The following KLHL1 variants were observed in gnomAD, a reference collection of about 807,000 sequenced individuals.
KLHL1 encodes the protein kelch like family member 1.
In KLHL1, 47 loss-of-function variants were observed where a neutral mutation model predicts 77.7. The observed-to-expected ratio is 0.60, with a 90% confidence interval of 0.48 to 0.77. KLHL1 has a LOEUF of 0.77. Ranked by LOEUF, KLHL1 falls within the 30% of genes least tolerant of loss-of-function variation. KLHL1 has a pLI of 0.00. For synonymous variants in KLHL1, 360 were observed against 325.2 expected (o/e 1.11, Z -1.15); for missense variants, 925 against 910.8 (o/e 1.02, Z -0.20).
chr13:69,883,569 T>C (rs1463559194), intron 4 of KLHL1, among the ~76,000 whole-genome samples: 1 of 152,210 alleles, frequency 6.6e-6, no homozygotes, highest in African/African-American at 2.4e-5. Context: ...TTTGGTAAAC[T>C]TAGAAATCTT....
chr13:69,885,140 C>T (rs1449590876), intron 4 of KLHL1, among the ~76,000 whole-genome samples: 5 of 136,690 alleles, frequency 3.7e-5, no homozygotes, highest in African/African-American at 9.9e-5. Flanking sequence ...CGGGGTTTCA[C>T]CGTGTTAGCC....
intron 7 of KLHL1, among the ~76,000 whole-genome samples, chr13:69,784,234 C>CA (rs1165546040): frequency 6.6e-6 from 1 of 152,104 alleles, no homozygotes; most frequent in Non-Finnish European, 1.5e-5. Context: ...AAAAACATGC[C>CA]AAAATGTAAA....
At chr13:70,100,664 T>C (rs1402357775) in intron 1 of KLHL1, among the ~76,000 whole-genome samples, 3 of 152,196 alleles carry the variant, frequency 2.0e-5, no homozygotes, top group Admixed American at 6.5e-5. Context: ...TATTTCAAGA[T>C]CTTCAAAACC....
chr13:69,731,775 C>G (rs1873551987), intron 8 of KLHL1, among the ~76,000 whole-genome samples: 1 of 151,904 alleles, frequency 6.6e-6, no homozygotes, highest in African/African-American at 2.4e-5. Flanking sequence ...AAGGAAACTT[C>G]TAGCAAAACA....
chr13:70,100,111 T>C (rs957085481), intron 1 of KLHL1, among the ~76,000 whole-genome samples: 3 of 152,056 alleles, frequency 2.0e-5, no homozygotes, highest in African/African-American at 7.2e-5. Flanking sequence ...GATATGTTCA[T>C]TTTATAGATC....
intron 1 of KLHL1, among the ~76,000 whole-genome samples, chr13:69,997,274 T>A (rs889295485): frequency 6.8e-6 from 1 of 147,198 alleles, no homozygotes; most frequent in African/African-American, 2.7e-5. Context: ...AAATTTTATT[T>A]TTTCTTTTTT....
chr13:69,849,748 A>C (rs970762892), intron 5 of KLHL1, among the ~76,000 whole-genome samples: 1 of 151,324 alleles, frequency 6.6e-6, no homozygotes, highest in African/African-American at 2.4e-5. Flanking sequence ...TCTGCTATTT[A>C]TTGTTGGTAC....
chr13:70,009,866 A>T (rs1173416426), intron 1 of KLHL1, among the ~76,000 whole-genome samples: 1 of 152,180 alleles, frequency 6.6e-6, no homozygotes, highest in Admixed American at 6.5e-5. Flanking sequence ...GTTCAAAAAA[A>T]GGTCAGAAAA....
intron 8 of KLHL1, among the ~76,000 whole-genome samples, chr13:69,736,022 CAAAGAT>C (rs1246435600): frequency 6.6e-6 from 1 of 151,970 alleles, no homozygotes; most frequent in African/African-American, 2.4e-5. Context: ...TCAACAAAAA[CAAAGAT>C]AAATAAATGG....
At chr13:70,072,549 T>G (rs1009294911) in intron 1 of KLHL1, among the ~76,000 whole-genome samples, 21 of 152,076 alleles carry the variant, frequency 1.4e-4, no homozygotes, top group Non-Finnish European at 1.9e-4. Context: ...CAATGAGATA[T>G]GAGCACATCA....
chr13:69,756,949 A>T (rs1874773206), intron 7 of KLHL1, among the ~76,000 whole-genome samples: 1 of 152,154 alleles, frequency 6.6e-6, no homozygotes, highest in African/African-American at 2.4e-5. Context: ...TTGTAATTAA[A>T]CAGAAACAAA....
chr13:70,104,242 A>T (rs1435089155), intron 1 of KLHL1, among the ~76,000 whole-genome samples: 1 of 152,296 alleles, frequency 6.6e-6, no homozygotes, highest in South Asian at 2.1e-4. Context: ...CTATTATAGG[A>T]AAAGTATTGT....
At chr13:69,780,747 T>TATATATATATATATACAC (rs1566244160) in intron 7 of KLHL1, among the ~76,000 whole-genome samples, 2 of 95,672 alleles carry the variant, frequency 2.1e-5, no homozygotes, top group African/African-American at 8.8e-5. Flanking sequence ...TATATATACA[T>TATATATATATATATACAC]ATATATATAT....
chr13:70,049,043 C>T (rs1289982586), intron 1 of KLHL1, among the ~76,000 whole-genome samples: 1 of 152,138 alleles, frequency 6.6e-6, no homozygotes, highest in Admixed American at 6.5e-5. Flanking sequence ...AGCCATGTTT[C>T]ATTGAATGCA....
At chr13:69,868,618 A>G (rs958562937) in intron 5 of KLHL1, among the ~76,000 whole-genome samples, 13 of 152,090 alleles carry the variant, frequency 8.5e-5, no homozygotes, top group African/African-American at 3.1e-4. Flanking sequence ...TGAAAAATTG[A>G]GCTGTTCAAT....
At chr13:69,873,507 AT>A (rs1335513724) in intron 5 of KLHL1, among the ~76,000 whole-genome samples, 2 of 152,088 alleles carry the variant, frequency 1.3e-5, no homozygotes, top group African/African-American at 4.8e-5. Context: ...TCAATAAGGG[AT>A]TTTTAGTCAA....
chr13:69,961,267 T>G, intron 3 of KLHL1, 41 bp downstream of exon 3: 5 of 1,574,798 alleles, frequency 3.2e-6, no homozygotes, highest in Non-Finnish European at 4.3e-6. Flanking sequence ...GAGCTAAAAT[T>G]TATAAGACAT....
chr13:69,752,674 T>C (rs552615156), intron 7 of KLHL1, among the ~76,000 whole-genome samples: 22 of 152,266 alleles, frequency 1.4e-4, no homozygotes, highest in Non-Finnish European at 2.9e-4. Context: ...ATGGGAGATA[T>C]CTCAGAAGAT....
rs140878941 is a variant in KLHL1 at position 69,724,420 on chromosome 13, TAAA to T, written c.1803-4842_1803-4840del. Among the ~76,000 whole-genome samples the T allele has an allele frequency of 2.0e-3, 300 of 152,206 alleles. 1 individual carries two copies. The highest frequency in any genetic ancestry group is 6.9e-3 in the African/African-American group (285 of 41,544). On this transcript the variant is annotated intron_variant, in intron 8 of 10. Transcript: ENST00000377844. ...ATTTTGGGTTCACATCAGAAACACT[TAAA>T]GAAGAATTAATACTAATTCTTCTCA...
Sources: gnomAD v4.1 joint callset for allele counts (sites outside exome capture counted in the v4.1 genomes callset) on GRCh38, gnomAD v4.1.1 for gene constraint, MANE v1.5 for transcripts, NCBI Gene and HGNC (gene_info 2026-07-23, HGNC 2026-07-21) for gene names.